SLAIN2: variants seen among roughly 807,000 people sequenced by gnomAD.
The protein encoded by SLAIN2 is SLAIN motif-containing protein 2.
A neutral mutation model predicts 56.6 loss-of-function variants in SLAIN2; 31 were observed. The observed-to-expected ratio is 0.55, with a 90% CI of 0.41 to 0.74. The LOEUF (loss-of-function observed/expected upper bound fraction) is 0.74, where lower values mean the gene tolerates loss of function less well. Among genes scored for constraint, SLAIN2 ranks in the 30% least tolerant of loss-of-function variants. The pLI is 0.00. For missense variants in SLAIN2, 777 were observed against 754.2 expected (o/e 1.03, Z -0.35); for synonymous variants, 317 against 284.9 (o/e 1.11, Z -1.13).
intron 4 of SLAIN2, among the ~76,000 whole-genome samples, chr4:48,380,102 G>A (rs1027119760): frequency 2.0e-5 from 3 of 151,990 alleles, no homozygotes; most frequent in African/African-American, 7.2e-5. Context: ...TTCTATGACT[G>A]GTTTTTATAC....
chr4:48,414,253 G>T (rs1278090578), intron 6 of SLAIN2, among the ~76,000 whole-genome samples: 2 of 152,224 alleles, frequency 1.3e-5, no homozygotes, highest in East Asian at 3.9e-4. Flanking sequence ...TACATTTTGG[G>T]TAATAACTTA....
chr4:48,343,027 C>A (rs1189845247), intron 1 of SLAIN2, among the ~76,000 whole-genome samples: 2 of 152,078 alleles, frequency 1.3e-5, no homozygotes, highest in Non-Finnish European at 2.9e-5. Context: ...TGTGTGTGGG[C>A]AATTATTTGT....
At chr4:48,378,385 A>G (rs149562371) in intron 3 of SLAIN2, among the ~76,000 whole-genome samples, 23 of 152,358 alleles carry the variant, frequency 1.5e-4, no homozygotes, top group African/African-American at 5.5e-4. Context: ...TGTAAAAACT[A>G]CAGAGTTAAA....
chr4:48,400,017 A>G (rs1485619186), intron 6 of SLAIN2, among the ~76,000 whole-genome samples: 2 of 152,208 alleles, frequency 1.3e-5, no homozygotes, highest in Admixed American at 1.3e-4. Flanking sequence ...CTGGCCTCAT[A>G]AAATGAGTTA....
intron 1 of SLAIN2, among the ~76,000 whole-genome samples, chr4:48,352,225 C>T (rs939626408): frequency 3.9e-5 from 6 of 152,098 alleles, no homozygotes; most frequent in Admixed American, 1.3e-4. Flanking sequence ...GGTTTGTGTC[C>T]ACCTCTTCTG....
intron 1 of SLAIN2, among the ~76,000 whole-genome samples, chr4:48,353,065 G>C (rs115789681): frequency 1.4e-3 from 207 of 152,206 alleles, no homozygotes; most frequent in African/African-American, 4.6e-3. Flanking sequence ...ATGATTGTGA[G>C]GTTTCCCCAG....
chr4:48,376,663 C>T (rs1191894836), intron 2 of SLAIN2, among the ~76,000 whole-genome samples: 1 of 139,366 alleles, frequency 7.2e-6, no homozygotes, highest in African/African-American at 2.7e-5. Flanking sequence ...GCTCTGTCAC[C>T]CAGGCTGGAG....
intron 1 of SLAIN2, among the ~76,000 whole-genome samples, chr4:48,359,224 G>A (rs542550027): frequency 2.0e-5 from 3 of 152,166 alleles, no homozygotes; most frequent in African/African-American, 7.2e-5. Flanking sequence ...ATTCTGCATT[G>A]AACGTTGTGA....
intron 6 of SLAIN2, among the ~76,000 whole-genome samples, chr4:48,406,804 A>G (rs10001054): frequency 0.3 from 45,620 of 151,942 alleles, 7,039 homozygotes; most frequent in South Asian, 0.48. Context: ...CTTGAAAGTA[A>G]TTGTCTAGAT....
chr4:48,371,762 T>G (rs1715669069), intron 2 of SLAIN2, among the ~76,000 whole-genome samples: 1 of 151,852 alleles, frequency 6.6e-6, no homozygotes, highest in Admixed American at 6.6e-5. Context: ...GGCAACATAG[T>G]GAGACCCCAC....
chr4:48,406,942 C>G (rs1348419758), intron 6 of SLAIN2, among the ~76,000 whole-genome samples: 1 of 151,928 alleles, frequency 6.6e-6, no homozygotes, highest in Non-Finnish European at 1.5e-5. Flanking sequence ...TTTTCTTTTT[C>G]TTTATAATAA....
intron 2 of SLAIN2, among the ~76,000 whole-genome samples, chr4:48,377,177 C>CA (rs922399167): frequency 1.3e-4 from 20 of 150,282 alleles, no homozygotes; most frequent in African/African-American, 3.2e-4. Flanking sequence ...CACATCTCTA[C>CA]AAAAAAATAT....
intron 6 of SLAIN2, among the ~76,000 whole-genome samples, chr4:48,417,949 C>G (rs1717038762): frequency 2.0e-5 from 3 of 152,100 alleles, no homozygotes; most frequent in Admixed American, 1.3e-4. Flanking sequence ...GTATTTTTAT[C>G]CAGTTCTGTG....
At position 48,383,691 on chromosome 4, in the gene SLAIN2, A is replaced by C. The variant is rs1476360542; in HGVS notation, c.1267A>C (p.Thr423Pro). The change falls in exon 6 of 8, where the codon ACA becomes CCA. Residue 423 changes from threonine (T) to proline (P), a missense_variant. Transcript: ENST00000264313. The stretch of plus-strand genomic sequence containing the variant: ...TCCAAACCTGTCCCGAACATCTAAT[A>C]CACAAGTTGACTCAGTGAAAAGCAG... The part of the protein sequence containing the change: ...SLPNLSRTSN[T>P]QVDSVKSSRS... 3.1e-6 allele frequency: 5 copies of C among 1,608,810 alleles called. No homozygotes were observed. Among genetic ancestry groups the C allele is most frequent in the Admixed American group, 3.4e-5 (2 of 59,556 alleles).
chr4:48,413,615 G>A (rs1165101354), intron 6 of SLAIN2, among the ~76,000 whole-genome samples: 2 of 152,168 alleles, frequency 1.3e-5, no homozygotes, highest in Non-Finnish European at 1.5e-5. Context: ...AGGGATCGTT[G>A]ACAAGGAGAT....
At chr4:48,351,791 A>G (rs1715015631) in intron 1 of SLAIN2, among the ~76,000 whole-genome samples, 1 of 152,260 alleles carries the variant, frequency 6.6e-6, no homozygotes, top group African/African-American at 2.4e-5. Context: ...GAGTTTGGTT[A>G]GGAGACAGAA....
intron 6 of SLAIN2, among the ~76,000 whole-genome samples, chr4:48,406,321 C>T (rs1716693989): frequency 6.6e-6 from 1 of 152,064 alleles, no homozygotes; most frequent in Admixed American, 6.6e-5. Flanking sequence ...ATATTAAATG[C>T]AGAGCTTGTG....
chr4:48,391,278 G>C (rs1716230077), intron 6 of SLAIN2, among the ~76,000 whole-genome samples: 1 of 152,184 alleles, frequency 6.6e-6, no homozygotes. Context: ...AAAGGAACAT[G>C]TGTAGTGGAA....
chr4:48,375,119 G>T (rs28507193), intron 2 of SLAIN2, among the ~76,000 whole-genome samples: 43,480 of 151,790 alleles, frequency 0.29, 6,435 homozygotes, highest in South Asian at 0.48. Flanking sequence ...GGCATAGACT[G>T]AGAAGATAAA....
Sources: gnomAD v4.1 joint callset for allele counts (sites outside exome capture counted in the v4.1 genomes callset) on GRCh38, gnomAD v4.1.1 for gene constraint, MANE v1.5 for transcripts, NCBI Gene and HGNC (gene_info 2026-07-23, HGNC 2026-07-21) for gene names.